SEMA5A: variants seen among roughly 807,000 people sequenced by gnomAD.
SEMA5A encodes the protein semaphorin 5A.
Under a neutral mutation model 135.5 loss-of-function variants are expected in SEMA5A, and 55 were observed. That is an observed-to-expected ratio of 0.41 (90% CI 0.33 to 0.51). The LOEUF (loss-of-function observed/expected upper bound fraction) is 0.51, where lower values mean the gene tolerates loss of function less well. Ranked by LOEUF, SEMA5A falls within the 20% of genes least tolerant of loss-of-function variation. The pLI, the probability that SEMA5A is intolerant of heterozygous loss-of-function variation, is 0.37. For synonymous variants in SEMA5A, 580 were observed against 546.5 expected (o/e 1.06, Z -0.85); for missense variants, 1,290 against 1,419.9 (o/e 0.91, Z 1.47).
chr5:9,196,578 T>C (rs1410519424), intron 10 of SEMA5A, among the ~76,000 whole-genome samples: 2 of 152,214 alleles, frequency 1.3e-5, no homozygotes, highest in Non-Finnish European at 2.9e-5. Flanking sequence ...AGTAAATTGC[T>C]TCATCTCTTT....
intron 1 of SEMA5A, among the ~76,000 whole-genome samples, chr5:9,503,762 CT>C (rs1735712368): frequency 6.6e-6 from 1 of 152,176 alleles, no homozygotes; most frequent in Non-Finnish European, 1.5e-5. Flanking sequence ...TATAAAACAA[CT>C]TCTTAGGATG....
intron 1 of SEMA5A, among the ~76,000 whole-genome samples, chr5:9,503,283 A>G (rs1310913437): frequency 6.6e-6 from 1 of 152,202 alleles, no homozygotes; most frequent in Non-Finnish European, 1.5e-5. Context: ...ACCATGACCT[A>G]AGGCAGAACT....
chr5:9,088,988 G>T (rs571880526), intron 16 of SEMA5A, among the ~76,000 whole-genome samples: 1 of 152,118 alleles, frequency 6.6e-6, no homozygotes, highest in Non-Finnish European at 1.5e-5. Flanking sequence ...TGTCATTCAC[G>T]TAAGATTCTG....
intron 5 of SEMA5A, among the ~76,000 whole-genome samples, chr5:9,312,756 G>A (rs1728610459): frequency 6.6e-6 from 1 of 152,090 alleles, no homozygotes. Flanking sequence ...TGGCAAAAGG[G>A]AAGAGACTTC....
intron 3 of SEMA5A, among the ~76,000 whole-genome samples, chr5:9,349,072 G>C (rs955353261): frequency 6.6e-6 from 1 of 152,290 alleles, no homozygotes; most frequent in Non-Finnish European, 1.5e-5. Context: ...CAGACCTTAG[G>C]ATTCAAGGGA....
chr5:9,074,081 T>A (rs1261458695), intron 16 of SEMA5A, among the ~76,000 whole-genome samples: 1 of 152,150 alleles, frequency 6.6e-6, no homozygotes, highest in African/African-American at 2.4e-5. Flanking sequence ...AGACATACTT[T>A]CTAACTTCAG....
At chr5:9,190,190 G>A (rs1168545863) in intron 11 of SEMA5A, 77 bp downstream of exon 11, 3 of 1,455,430 alleles carry the variant, frequency 2.1e-6, no homozygotes, top group East Asian at 4.9e-5. Context: ...AATTGAAATT[G>A]AATGTTTAGA....
At chr5:9,499,388 G>A (rs1438215031) in intron 1 of SEMA5A, among the ~76,000 whole-genome samples, 1 of 152,176 alleles carries the variant, frequency 6.6e-6, no homozygotes, top group Non-Finnish European at 1.5e-5. Flanking sequence ...AACAAGGGGT[G>A]TATTTGCTAA....
chr5:9,479,676 G>A (rs368333025), intron 1 of SEMA5A, among the ~76,000 whole-genome samples: 20 of 152,222 alleles, frequency 1.3e-4, no homozygotes, highest in African/African-American at 3.4e-4. Flanking sequence ...AATCTTCTTC[G>A]GGTATTAATT....
At chr5:9,144,630 G>A (rs986886266) in intron 12 of SEMA5A, among the ~76,000 whole-genome samples, 6 of 152,174 alleles carry the variant, frequency 3.9e-5, no homozygotes, top group Admixed American at 2.0e-4. Flanking sequence ...GCAAGCACCT[G>A]GCTCTCTTCA....
chr5:9,156,920 T>C (rs1363212913), intron 11 of SEMA5A, among the ~76,000 whole-genome samples: 1 of 152,288 alleles, frequency 6.6e-6, no homozygotes, highest in African/African-American at 2.4e-5. Context: ...AGATCTGTGA[T>C]AGTTTGACTT....
chr5:9,333,497 A>T (rs1753251189), intron 4 of SEMA5A, among the ~76,000 whole-genome samples: 1 of 152,244 alleles, frequency 6.6e-6, no homozygotes. Flanking sequence ...CTAAAGACGA[A>T]CTAATTCATT....
At chr5:9,107,992 C>T in intron 16 of SEMA5A, 148 bp downstream of exon 16, 2 of 955,114 alleles carry the variant, frequency 2.1e-6, no homozygotes, top group South Asian at 1.8e-5. Flanking sequence ...TTAGTGTTTG[C>T]AGTGTACCAA....
chr5:9,372,887 T>C (rs1755201819), intron 3 of SEMA5A, among the ~76,000 whole-genome samples: 1 of 152,232 alleles, frequency 6.6e-6, no homozygotes, highest in African/African-American at 2.4e-5. Flanking sequence ...TGTTGTACCT[T>C]GACACTGTCC....
At chr5:9,504,222 AAG>A (rs1383960302) in intron 1 of SEMA5A, among the ~76,000 whole-genome samples, 1 of 144,142 alleles carries the variant, frequency 6.9e-6, no homozygotes, top group Non-Finnish European at 1.5e-5. Context: ...CAAAAAAAAA[AAG>A]AAAAAAAAAA....
intron 5 of SEMA5A, among the ~76,000 whole-genome samples, chr5:9,243,309 C>T (rs1748306956): frequency 6.6e-6 from 1 of 152,188 alleles, no homozygotes; most frequent in African/African-American, 2.4e-5. Flanking sequence ...CTGCCTCACT[C>T]ATCGCATGGT....
intron 2 of SEMA5A, among the ~76,000 whole-genome samples, chr5:9,391,554 T>C (rs981670791): frequency 6.6e-6 from 1 of 152,112 alleles, no homozygotes; most frequent in Non-Finnish European, 1.5e-5. Context: ...GCTGGAGTCA[T>C]TTTGGATTGC....
intron 1 of SEMA5A, among the ~76,000 whole-genome samples, chr5:9,503,616 ATTTAAAAT>A (rs1379333457): frequency 1.3e-5 from 2 of 152,210 alleles, no homozygotes; most frequent in Non-Finnish European, 2.9e-5. Context: ...CTAAAGTTGC[ATTTAAAAT>A]TTTAAAAATA....
intron 20 of SEMA5A, 49 bp downstream of exon 20, chr5:9,051,824 C>A: frequency 6.2e-7 from 1 of 1,607,054 alleles, no homozygotes; most frequent in Non-Finnish European, 8.5e-7. Flanking sequence ...TTTTCTCTCT[C>A]CATGTTGGAA....
Sources: allele counts gnomAD v4.1 joint callset (sites outside exome capture counted in the v4.1 genomes callset), GRCh38; gene constraint gnomAD v4.1.1; transcripts MANE v1.5; gene names NCBI Gene and HGNC (gene_info 2026-07-23, HGNC 2026-07-21).